The following DNAH17 variants were observed in gnomAD, a reference collection of about 807,000 sequenced individuals.
DNAH17 encodes the protein dynein axonemal heavy chain 17, also known as axonemal beta dynein heavy chain 17.
In DNAH17, 376 loss-of-function variants were observed where a neutral mutation model predicts 485.6. That is an observed-to-expected ratio of 0.77 (90% CI 0.71 to 0.84). The LOEUF is 0.84. DNAH17 is among the 40% of genes least tolerant of loss of function. The pLI is 0.00. For missense variants in DNAH17, 6,370 were observed against 5,839.3 expected (o/e 1.09, Z -2.96); for synonymous variants, 3,031 against 2,405.9 (o/e 1.26, Z -7.60).
rs906812789 is a variant in DNAH17 at position 78,476,243 on chromosome 17, G to A, written c.8154+329C>T. Among the ~76,000 whole-genome samples, 74 of 126,696 alleles carry A rather than the reference G, an allele frequency of 5.8e-4. No individual in the cohort carries two copies. In the South Asian group the frequency reaches 0.017, roughly 29 times the overall value. 83.1% of individuals were successfully genotyped at this position (126,696 alleles called of 152,430 possible). The stretch of plus-strand genomic sequence containing the variant: ...GCCGGAGTTATCGCGTGGAACCCTC[G>A]GACCCACAGCCACGTGCCAGAGTTA... On this transcript the variant is annotated intron_variant, in intron 52 of 80. Coordinates refer to ENST00000389840, the MANE Select transcript of DNAH17 (RefSeq NM_173628.4).
intron 48 of DNAH17, among the ~76,000 whole-genome samples, chr17:78,484,604 G>A (rs2089505465): frequency 6.6e-6 from 1 of 152,090 alleles, no homozygotes; most frequent in Non-Finnish European, 1.5e-5. Flanking sequence ...CTAGGCCACT[G>A]CTGCATGTTT....
chr17:78,564,748 C>CA (rs1183098300), intron 11 of DNAH17, among the ~76,000 whole-genome samples: 1 of 152,156 alleles, frequency 6.6e-6, no homozygotes, highest in East Asian at 1.9e-4. Flanking sequence ...TAAGGGAACT[C>CA]AAATCCAGTG....
In DNAH17 at chr17:78,444,794, G is replaced by A; in HGVS notation, c.11338C>T (p.Leu3780Phe). ...TTTTTGAACTCATCCATCTCCGAGA[G>A]GGCCTAGGGGCAGAGGCAGCGGGCC... ...QHQGWGGIKA[L>F]SEMDEFKNLD... Residue 3780 changes from leucine (L) to phenylalanine (F), a missense_variant, in exon 71 of 81, where the codon CTC becomes TTC. By Grantham distance (22) the Leu-to-Phe change is conservative. Transcript: ENST00000389840. 6.4e-7 allele frequency: 1 copy of A among 1,565,026 alleles called. No individual in the cohort carries two copies. Among genetic ancestry groups the A allele is most frequent in the African/African-American group, 1.4e-5 (1 of 72,840 alleles).
intron 79 of DNAH17, 149 bp downstream of exon 79, chr17:78,426,308 C>G: frequency 9.9e-7 from 1 of 1,009,442 alleles, no homozygotes; most frequent in Non-Finnish European, 1.4e-6. Flanking sequence ...GGGGCATGGG[C>G]TAGGCCCTTC....
At chr17:78,477,130 ACT>A (rs1426592619) in intron 51 of DNAH17, among the ~76,000 whole-genome samples, 4 of 151,938 alleles carry the variant, frequency 2.6e-5, no homozygotes, top group African/African-American at 9.7e-5. Flanking sequence ...TAAGCAAGTG[ACT>A]CTAGGCAAGC....
chr17:78,562,748 T>C (rs1346710179), intron 11 of DNAH17, among the ~76,000 whole-genome samples: 1 of 152,226 alleles, frequency 6.6e-6, no homozygotes, highest in African/African-American at 2.4e-5. Flanking sequence ...CAGGAAGCGT[T>C]CCTCTTAGGA....
At chr17:78,527,315 A>G (rs1210369949) in intron 22 of DNAH17, among the ~76,000 whole-genome samples, 1 of 152,122 alleles carries the variant, frequency 6.6e-6, no homozygotes, top group Non-Finnish European at 1.5e-5. Context: ...TGGACTAGGA[A>G]GGCAGAGGCT....
chr17:78,455,896 A>C, intron 62 of DNAH17, 60 bp from the exon 63 acceptor site: 4 of 1,395,392 alleles, frequency 2.9e-6, no homozygotes, highest in Non-Finnish European at 3.8e-6. Flanking sequence ...TGGACCAGAC[A>C]AGCCTCCACC....
rs555490443 is a variant in DNAH17, at chr17:78,462,284, G to A, written c.9174+560C>T. 3.6e-3 allele frequency among the ~76,000 whole-genome samples: 544 copies of A among 151,318 alleles called. 2 individuals are homozygous for A. Among genetic ancestry groups the A allele is most frequent in the African/African-American group, 0.013 (520 of 41,102 alleles). Reference sequence around the variant, plus strand: ...GGTGGGGGGGTGGGGGCAGGGGTGCGAAAGCTCCCCTGGAAGCAAGTGGGA... The same window carrying A: ...GGTGGGGGGGTGGGGGCAGGGGTGCAAAAGCTCCCCTGGAAGCAAGTGGGA... On this transcript the variant is annotated intron_variant, in intron 57 of 80. Transcript: ENST00000389840.
chr17:78,567,838 T>C (rs2092292915), intron 9 of DNAH17, among the ~76,000 whole-genome samples: 1 of 152,202 alleles, frequency 6.6e-6, no homozygotes. Context: ...GTTGTGTGTG[T>C]GCAGTTCCTG....
intron 75 of DNAH17, 65 bp from the exon 76 acceptor site, chr17:78,429,365 C>T (rs1003636807): frequency 6.6e-7 from 1 of 1,522,692 alleles, no homozygotes; most frequent in South Asian, 1.2e-5. Flanking sequence ...ATGAGAGGGT[C>T]AGGCTCAGGC....
rs775344244 is a variant in DNAH17, at chr17:78,462,941, A to T, written c.9077T>A (p.Leu3026Gln). ...CTTCTTGGCCAGCAGGTTCTGGTAC[A>T]GTTTGATCTGCTCCAGAAAGGTTTT... Reference protein sequence around the residue: ...TPKTFLEQIKLYQNLLAKKRT... With the variant: ...TPKTFLEQIKQYQNLLAKKRT... Residue 3026 changes from leucine to glutamine, a missense_variant, in exon 57 of 81, where the codon CTG becomes CAG. Transcript: ENST00000389840. 7 of 1,614,006 alleles carry T rather than the reference A, an allele frequency of 4.3e-6. No homozygotes were observed. The highest frequency in any genetic ancestry group is 5.9e-6 in the Non-Finnish European group (7 of 1,179,906).
chr17:78,511,746 T>TG (rs1469994716), intron 26 of DNAH17, among the ~76,000 whole-genome samples: 1 of 152,262 alleles, frequency 6.6e-6, no homozygotes, highest in Non-Finnish European at 1.5e-5. Context: ...TAATCACATT[T>TG]GGGGACATAT....
chr17:78,575,433 A>AG (rs2143765510), intron 1 of DNAH17, among the ~76,000 whole-genome samples: 1 of 152,350 alleles, frequency 6.6e-6, no homozygotes, highest in South Asian at 2.1e-4. Flanking sequence ...GGGATGGGGT[A>AG]GGAAAAGGCA....
chr17:78,472,745 G>A (rs9911937), intron 54 of DNAH17: 7,695 of 454,918 alleles, frequency 0.017, 416 homozygotes, highest in African/African-American at 0.13. Context: ...GCTGGCCCTG[G>A]TTTCCCCTCC....
chr17:78,465,692 G>A lies in DNAH17; in HGVS notation c.8940+963C>T, dbSNP rs1303316179. On this transcript the variant is annotated intron_variant, in intron 56 of 80. Transcript: ENST00000389840. ...TGAGAAGTGAGGAGACCCTCTGCCCGGCAACCGCCCCGTCTGAGAAGTGAG... is the reference window on the plus strand; with the variant it reads ...TGAGAAGTGAGGAGACCCTCTGCCCAGCAACCGCCCCGTCTGAGAAGTGAG... 7.3e-5 allele frequency among the ~76,000 whole-genome samples: 11 copies of A among 150,118 alleles called. No individual in the cohort carries two copies. The East Asian group carries it at 7.9e-4, about 11-fold the overall frequency.
intron 66 of DNAH17, 37 bp from the exon 67 acceptor site, chr17:78,450,883 G>A (rs773388633): frequency 6.2e-7 from 1 of 1,605,620 alleles, no homozygotes; most frequent in Admixed American, 1.7e-5. Flanking sequence ...GCATTGCCTG[G>A]CTCTGTCCAC....
intron 29 of DNAH17, among the ~76,000 whole-genome samples, chr17:78,507,069 G>A (rs1159895651): frequency 1.3e-5 from 2 of 152,176 alleles, no homozygotes; most frequent in Admixed American, 1.3e-4. Flanking sequence ...TATTCTCCGG[G>A]TCATTGCTTC....
At chr17:78,545,130 G>T (rs1253889964) in intron 16 of DNAH17, among the ~76,000 whole-genome samples, 1 of 152,084 alleles carries the variant, frequency 6.6e-6, no homozygotes, top group African/African-American at 2.4e-5. Flanking sequence ...TGGGGTGAAC[G>T]ATGAAGACTT....
Sources: gnomAD v4.1 joint callset for allele counts (sites outside exome capture counted in the v4.1 genomes callset) on GRCh38, gnomAD v4.1.1 for gene constraint, MANE v1.5 for transcripts, NCBI Gene and HGNC (gene_info 2026-07-23, HGNC 2026-07-21) for gene names.